SPNS3: variants seen among roughly 807,000 people sequenced by gnomAD.
SPNS3 encodes the protein SPNS lysolipid transporter 3, sphingosine-1-phosphate (putative).
Under a neutral mutation model 54.4 loss-of-function variants are expected in SPNS3, and 51 were observed. The ratio of observed to expected loss-of-function variants is 0.94; its 90% confidence interval spans 0.75 to 1.18. SPNS3 has a LOEUF of 1.18. SPNS3 is among the 50% of genes most tolerant of loss of function. The pLI, the probability that SPNS3 is intolerant of heterozygous loss-of-function variation, is 0.00. For missense variants in SPNS3, 669 were observed against 677.4 expected, an observed-to-expected ratio of 0.99 and a Z score of 0.14; for synonymous variants, 309 against 294.7, an observed-to-expected ratio of 1.05 and a Z score of -0.50.
rs995417561 is a variant in SPNS3, at chr17:4,479,771, T to C, written c.1179+1134T>C. 3.0e-4 allele frequency among the ~76,000 whole-genome samples: 46 copies of C among 152,246 alleles called. 1 individual carries two copies. The highest frequency in any genetic ancestry group is 3.9e-4 in the Admixed American group (6 of 15,290). On this transcript the variant is annotated intron_variant, in intron 9 of 11. Coordinates refer to ENST00000355530, the MANE Select transcript of SPNS3 (RefSeq NM_182538.5). ...CTGTCAGCCCTGGTCCTGCCACTTA[T>C]GGGCTGTGTGGCCTTAGGCAAGTCA...
At chr17:4,443,290 C>G (rs984693292) in intron 2 of SPNS3, among the ~76,000 whole-genome samples, 1 of 152,164 alleles carries the variant, frequency 6.6e-6, no homozygotes, top group Non-Finnish European at 1.5e-5. Flanking sequence ...CGGCTGGTCT[C>G]GAACTCCTGA....
In SPNS3 at chr17:4,436,478, GGAGGCTGAAGCAGGAGGATTGCTT is replaced by G. The variant is rs1180235379; in HGVS notation, c.199+2348_199+2371del. 7.3e-3 allele frequency among the ~76,000 whole-genome samples: 1,110 copies of G among 151,522 alleles called. 4 individuals carry two copies. Among genetic ancestry groups the G allele is most frequent in the African/African-American group, 0.016 (673 of 41,024 alleles). On this transcript the variant is annotated intron_variant, in intron 1 of 11. Coordinates refer to ENST00000355530, the MANE Select transcript of SPNS3 (RefSeq NM_182538.5). ...GGACAGTGATGTCTTCAGCCTCTCG[GGAGGCTGAAGCAGGAGGATTGCTT>G]GAGGCTGAAGCAGGAGGATTGCTTG...
At chr17:4,443,727 G>A (rs117974600) in intron 2 of SPNS3, among the ~76,000 whole-genome samples, 3,833 of 152,264 alleles carry the variant, frequency 0.025, 74 homozygotes, top group Non-Finnish European at 0.037. Context: ...CAGAAGTTGC[G>A]TTTCTAATTC....
Position 4,444,908 on chromosome 17 carries a change from C to T in SPNS3, c.266-124C>T, listed in dbSNP as rs1269058568. 10 of 1,161,198 alleles carry T rather than the reference C, an allele frequency of 8.6e-6. No homozygotes were observed. The African/African-American group carries it at 1.4e-4, about 16-fold the overall frequency. The allele number at this position is 1,161,198 out of a possible 1,614,324, so 71.9% of individuals were successfully genotyped here. A position where few individuals can be genotyped will look rare whatever the true frequency, so the allele number is the denominator to read the frequency against. On this transcript the variant is annotated intron_variant, in intron 2 of 11. Coordinates refer to ENST00000355530, the MANE Select transcript of SPNS3 (RefSeq NM_182538.5). ...CACCTTATCTTTTCTTCCTCATACC[C>T]TGGGCCCACTGCCAAGATGCCAGCT...
In SPNS3 at chr17:4,488,177, T is replaced by G; in HGVS notation, c.*283T>G. Reference sequence around the variant, plus strand: ...TGGGCCCTGAATAAAGAGAGGCCAGTACAAAGCCCATGGATTTTGGGCCTG... The same window carrying G: ...TGGGCCCTGAATAAAGAGAGGCCAGGACAAAGCCCATGGATTTTGGGCCTG... On this transcript the variant is annotated 3_prime_UTR_variant, in exon 12 of 12. Coordinates refer to ENST00000355530, the MANE Select transcript of SPNS3 (RefSeq NM_182538.5). 1 of 461,496 alleles carries G rather than the reference T, an allele frequency of 2.2e-6. No homozygotes were observed. The highest frequency in any genetic ancestry group is 4.0e-6 in the Non-Finnish European group (1 of 252,864). The allele number at this position is 461,496 out of a possible 1,614,324, so 28.6% of individuals were successfully genotyped here.
intron 8 of SPNS3, among the ~76,000 whole-genome samples, chr17:4,463,784 G>C (rs1396956524): frequency 2.7e-5 from 4 of 150,754 alleles, no homozygotes; most frequent in African/African-American, 7.3e-5. Context: ...TATACATTTA[G>C]CATGAACATG....
intron 7 of SPNS3, 41 bp from the exon 8 acceptor site, chr17:4,452,975 C>G: frequency 6.3e-7 from 1 of 1,584,714 alleles, no homozygotes; most frequent in Non-Finnish European, 8.6e-7. Context: ...CTATGCTAAG[C>G]TCACCCAGCT....
intron 8 of SPNS3, among the ~76,000 whole-genome samples, chr17:4,470,673 G>T (rs947955495): frequency 6.6e-6 from 1 of 152,078 alleles, no homozygotes; most frequent in African/African-American, 2.4e-5. Context: ...TTATAGATTT[G>T]TCTGTTCTGG....
rs1404396377 is a variant in SPNS3, at chr17:4,478,643, T to C, written c.1179+6T>C. ...TGGTTGCCGACATCCTGCTGGTAGG[T>C]GTGGGAGTCGGGGTGGTGGGCTGAG... is the stretch of plus-strand genomic sequence containing the variant. On this transcript the variant is annotated splice_donor_region_variant and intron_variant, in intron 9 of 11. Transcript: ENST00000355530. 1 of 1,583,172 alleles carries C rather than the reference T, an allele frequency of 6.3e-7. No homozygotes were observed. The highest frequency in any genetic ancestry group is 1.2e-5 in the South Asian group (1 of 86,432).
chr17:4,434,194 G>A, intron 1 of SPNS3, 28 bp downstream of exon 1: 7 of 1,582,762 alleles, frequency 4.4e-6, no homozygotes, highest in Non-Finnish European at 6.0e-6. Context: ...ACCCTGGGCA[G>A]TACCTGCTGC....
intron 1 of SPNS3, among the ~76,000 whole-genome samples, chr17:4,438,555 G>T (rs1970771421): frequency 6.6e-6 from 1 of 152,216 alleles, no homozygotes; most frequent in Non-Finnish European, 1.5e-5. Context: ...CCTGGTGTCT[G>T]GGAGACCCAC....
intron 3 of SPNS3, among the ~76,000 whole-genome samples, chr17:4,445,828 G>A (rs1219137404): frequency 2.0e-5 from 3 of 152,064 alleles, no homozygotes; most frequent in Non-Finnish European, 4.4e-5. Context: ...TGGGACCCAG[G>A]AAAAGGGCTC....
intron 8 of SPNS3, among the ~76,000 whole-genome samples, chr17:4,471,151 C>T (rs1327799763): frequency 6.6e-6 from 1 of 152,124 alleles, no homozygotes; most frequent in Non-Finnish European, 1.5e-5. Flanking sequence ...TGTGAACCCC[C>T]AACCTCAGGT....
At chr17:4,487,543 A>G (rs1351283895) in intron 11 of SPNS3, among the ~76,000 whole-genome samples, 1 of 152,218 alleles carries the variant, frequency 6.6e-6, no homozygotes, top group Non-Finnish European at 1.5e-5. Context: ...ATGTTGCCAA[A>G]GCATCTCCCT....
chr17:4,470,893 C>T (rs549733285), intron 8 of SPNS3, among the ~76,000 whole-genome samples: 2 of 152,228 alleles, frequency 1.3e-5, no homozygotes, highest in African/African-American at 4.8e-5. Flanking sequence ...AATATCTTTA[C>T]TTTTCCAGAT....
intron 8 of SPNS3, among the ~76,000 whole-genome samples, chr17:4,471,744 G>T (rs1032139125): frequency 9.9e-5 from 15 of 152,170 alleles, no homozygotes; most frequent in African/African-American, 3.6e-4. Flanking sequence ...GGGATTACAG[G>T]CATGTACCAC....
rs1181417835 is a variant in SPNS3 at position 4,483,731 on chromosome 17, CTGG to C, written c.1180-2494_1180-2492del. 6.6e-6 allele frequency: 1 copy of C among 152,198 alleles called. No homozygotes were observed. Among genetic ancestry groups the C allele is most frequent in the Non-Finnish European group, 1.5e-5 (1 of 68,052 alleles). 9.4% of individuals were successfully genotyped at this position (152,198 alleles called of 1,614,324 possible). A position where few individuals can be genotyped will look rare whatever the true frequency, so the allele number is the denominator to read the frequency against. On this transcript the variant is annotated intron_variant, in intron 9 of 11. Transcript: ENST00000355530. This position sits in a 1 kb window ranked among gnomAD's most constrained non-coding sequence, Gnocchi z 4.2. ...TCCTTCTCAGGCCTGTTGACAGATCCTGGTGATGGCAAGAGGCCCGGTTTCTCT... is the reference window on the plus strand; with the variant it reads ...TCCTTCTCAGGCCTGTTGACAGATCCTGATGGCAAGAGGCCCGGTTTCTCT...
chr17:4,481,982 G>A (rs901255237), intron 9 of SPNS3: 3 of 152,110 alleles, frequency 2.0e-5, no homozygotes, highest in South Asian at 2.1e-4. Context: ...TCTGCCTCCT[G>A]GGTTCAAGCG....
chr17:4,448,456 A>C (rs571559067), intron 6 of SPNS3, among the ~76,000 whole-genome samples, 153 bp downstream of exon 6: 1 of 152,252 alleles, frequency 6.6e-6, no homozygotes, highest in African/African-American at 2.4e-5. Flanking sequence ...TTACCAACTG[A>C]AGTGCCTCTC....
Sources: gnomAD v4.1 joint callset for allele counts (sites outside exome capture counted in the v4.1 genomes callset) on GRCh38, gnomAD v4.1.1 for gene constraint, Gnocchi (gnomAD v3.1) non-coding constraint, MANE v1.5 for transcripts, NCBI Gene and HGNC (gene_info 2026-07-23, HGNC 2026-07-21) for gene names.